CELF5: variants seen among roughly 807,000 people sequenced by gnomAD.
CELF5 encodes CUG-BP and ETR-3 like factor 5.
In CELF5, 6 loss-of-function variants were observed where a neutral mutation model predicts 54.9. That is an observed-to-expected ratio of 0.11 (90% CI 0.06 to 0.22). The LOEUF (loss-of-function observed/expected upper bound fraction) is 0.22. CELF5 is among the 10% of genes least tolerant of loss of function. CELF5 has a pLI of 1.00. For synonymous variants in CELF5, 271 were observed against 290.9 expected, an observed-to-expected ratio of 0.93 and a Z score of 0.70; for missense variants, 401 against 678.6, an observed-to-expected ratio of 0.59 and a Z score of 4.54.
At chr19:3,226,182 G>T (rs1055560336) in intron 1 of CELF5, among the ~76,000 whole-genome samples, 1 of 152,164 alleles carries the variant, frequency 6.6e-6, no homozygotes, top group Non-Finnish European at 1.5e-5. Flanking sequence ...GGGAAGGACC[G>T]GGGCCCATGA....
At chr19:3,290,146 G>A (rs1411246731) in intron 10 of CELF5, 85 bp from the exon 11 acceptor site, 1 of 1,023,308 alleles carries the variant, frequency 9.8e-7, no homozygotes, top group African/African-American at 1.6e-5. Context: ...GAAGCCAGAT[G>A]CGGGCTCCAG....
At chr19:3,292,547 G>T (rs531670505) in intron 11 of CELF5, among the ~76,000 whole-genome samples, 172 of 152,232 alleles carry the variant, frequency 1.1e-3, no homozygotes, top group African/African-American at 4.1e-3. Flanking sequence ...GCCTCCCAAG[G>T]TGCTGGGATT....
intron 2 of CELF5, among the ~76,000 whole-genome samples, chr19:3,263,246 CAAAAAAAAAA>C (rs541811875): frequency 4.4e-5 from 2 of 45,068 alleles, no homozygotes; most frequent in African/African-American, 1.6e-4. Flanking sequence ...GATTCTGTCT[CAAAAAAAAAA>C]AAAAAAAAAA....
At chr19:3,294,666 A>G (rs528703858) in intron 12 of CELF5, 1 of 152,142 alleles carries the variant, frequency 6.6e-6, no homozygotes, top group East Asian at 1.9e-4. Context: ...AGCATCTATT[A>G]TGTGCTAGGC....
At chr19:3,254,405 C>A (rs1326936213) in intron 2 of CELF5, among the ~76,000 whole-genome samples, 1 of 151,140 alleles carries the variant, frequency 6.6e-6, no homozygotes, top group Non-Finnish European at 1.5e-5. Context: ...CATCCATCAT[C>A]CACCCATCCT....
Position 3,275,637 on chromosome 19 carries a change from G to C in CELF5, c.395-219G>C, listed in dbSNP as rs1413339352. ...GGGGGCGCCACCTGGGCAAAGGCCG[G>C]GAGATGGGAGCGTGCAGGGCCCGTG... On this transcript the variant is annotated intron_variant, in intron 3 of 12. Coordinates refer to ENST00000292672, the MANE Select transcript of CELF5 (RefSeq NM_021938.4). This position sits in a 1 kb window ranked among gnomAD's most constrained non-coding sequence, Gnocchi z 6.7. Among the ~76,000 whole-genome samples the C allele has an allele frequency of 6.6e-6, 1 of 152,210 alleles. No homozygotes were observed. Among genetic ancestry groups the C allele is most frequent in the African/African-American group, 2.4e-5 (1 of 41,460 alleles).
chr19:3,226,267 T>TTGAATGAATGAA (rs112499585), intron 1 of CELF5, among the ~76,000 whole-genome samples: 6 of 150,276 alleles, frequency 4.0e-5, no homozygotes, highest in Non-Finnish European at 5.9e-5. Context: ...AATGAATGAA[T>TTGAATGAATGAA]TGAATGAATG....
In CELF5 at chr19:3,267,650, C is replaced by A. The variant is rs535901196; in HGVS notation, c.343-6222C>A. Among the ~76,000 whole-genome samples, 3 of 152,328 alleles carry A rather than the reference C, an allele frequency of 2.0e-5. No individual in the cohort carries two copies. In the South Asian group the frequency reaches 6.2e-4, roughly 32 times the overall value. ...TTGCTGTCTCTTTCTTTACAAGAGT[C>A]TTGGGGGCTGAGGTACATCCCAGCA... On this transcript the variant is annotated intron_variant, in intron 2 of 12. Transcript: ENST00000292672.
chr19:3,263,066 T>A (rs1599435399), intron 2 of CELF5, among the ~76,000 whole-genome samples: 2 of 150,950 alleles, frequency 1.3e-5, no homozygotes, highest in South Asian at 2.1e-4. Flanking sequence ...GCCAACATGG[T>A]GAAACTCCGT....
chr19:3,265,173 C>CA (rs779915684), intron 2 of CELF5, among the ~76,000 whole-genome samples: 3 of 152,080 alleles, frequency 2.0e-5, no homozygotes, highest in Non-Finnish European at 4.4e-5. Flanking sequence ...CCCATCTCTA[C>CA]AAAAAAATAA....
intron 1 of CELF5, among the ~76,000 whole-genome samples, chr19:3,248,438 G>C (rs1164679567): frequency 6.7e-6 from 1 of 149,408 alleles, no homozygotes; most frequent in African/African-American, 2.5e-5. Flanking sequence ...TGAATCTGAT[G>C]GCTCTGTGGT....
At chr19:3,273,073 C>G (rs974973814) in intron 2 of CELF5, among the ~76,000 whole-genome samples, 1 of 152,132 alleles carries the variant, frequency 6.6e-6, no homozygotes, top group Non-Finnish European at 1.5e-5. Flanking sequence ...CCACCCAAAG[C>G]TCCTGGCATG....
chr19:3,227,744 T>G (rs312059), intron 1 of CELF5, among the ~76,000 whole-genome samples: 46,624 of 151,796 alleles, frequency 0.31, 7,885 homozygotes, highest in East Asian at 0.7. Flanking sequence ...ACTGAGGGCT[T>G]GAGAGACATA....
rs544687734 is a variant in CELF5 at position 3,278,408 on chromosome 19, C to T, written c.603+298C>T. On this transcript the variant is annotated intron_variant, in intron 5 of 12. Coordinates refer to ENST00000292672, the MANE Select transcript of CELF5 (RefSeq NM_021938.4). The surrounding 1 kb of genome is among the most constrained non-coding windows in gnomAD (Gnocchi z 4.5). The stretch of plus-strand genomic sequence containing the variant: ...GTGCATGTCTGGGTGTGAGTGTGCC[C>T]GAGACTGCATGCATGTGTGTGTGTG... 6.6e-5 allele frequency among the ~76,000 whole-genome samples: 10 copies of T among 150,588 alleles called. No individual in the cohort carries two copies. Among genetic ancestry groups the T allele is most frequent in the East Asian group, 2.0e-4 (1 of 5,072 alleles).
intron 1 of CELF5, chr19:3,225,565 G>A: frequency 1.0e-6 from 1 of 981,448 alleles, no homozygotes; most frequent in South Asian, 4.7e-5. Flanking sequence ...AGCCAGGCCG[G>A]CGGGGCAGGT....
At position 3,278,584 on chromosome 19, in the gene CELF5, G is replaced by T. The variant is rs1452563430; in HGVS notation, c.603+474G>T. On this transcript the variant is annotated intron_variant, in intron 5 of 12. Coordinates refer to ENST00000292672, the MANE Select transcript of CELF5 (RefSeq NM_021938.4). This position sits in a 1 kb window ranked among gnomAD's most constrained non-coding sequence, Gnocchi z 4.5. ...TGTGCGTGTATGAGAGTGTACATGT[G>T]TGTTTCTATGTGTGTGAGCGTGTGT... Among the ~76,000 whole-genome samples, 1 of 152,092 alleles carries T rather than the reference G, an allele frequency of 6.6e-6. No homozygotes were observed.
intron 5 of CELF5, among the ~76,000 whole-genome samples, chr19:3,279,028 G>T (rs796876025): frequency 2.6e-5 from 4 of 152,328 alleles, no homozygotes; most frequent in African/African-American, 9.6e-5. Flanking sequence ...GACAGGCCAG[G>T]TCGGTTGCAA....
In CELF5 at chr19:3,242,848, C is replaced by T. The variant is rs1006369315; in HGVS notation, c.260-8137C>T. On this transcript the variant is annotated intron_variant, in intron 1 of 12. Coordinates refer to ENST00000292672, the MANE Select transcript of CELF5 (RefSeq NM_021938.4). ...GCTTGGTGGCAGGTACCTGTAATCC[C>T]AGCTACTCAGGAGGCTGATGAAAGA... Among the ~76,000 whole-genome samples the T allele has an allele frequency of 3.3e-5, 5 of 152,010 alleles. No individual in the cohort carries two copies. In the South Asian group the frequency reaches 6.2e-4, roughly 19 times the overall value.
chr19:3,264,302 T>TG (rs1318746957), intron 2 of CELF5, among the ~76,000 whole-genome samples: 5 of 55,882 alleles, frequency 8.9e-5, no homozygotes, highest in African/African-American at 4.8e-4. Flanking sequence ...AAGCACTAGG[T>TG]GTTTTTTTTT....
Sources: gnomAD v4.1 joint callset for allele counts (sites outside exome capture counted in the v4.1 genomes callset) on GRCh38, gnomAD v4.1.1 for gene constraint, Gnocchi (gnomAD v3.1) non-coding constraint, MANE v1.5 for transcripts, NCBI Gene and HGNC (gene_info 2026-07-23, HGNC 2026-07-21) for gene names.